The following PATJ variants were observed in gnomAD, a reference collection of about 807,000 sequenced individuals.
PATJ encodes the protein PATJ crumbs cell polarity complex component.
In PATJ, 190 loss-of-function variants were observed where a neutral mutation model predicts 224.9. The observed-to-expected ratio is 0.84, with a 90% CI of 0.75 to 0.95. The LOEUF is 0.95. PATJ is among the 40% of genes least tolerant of loss of function. PATJ has a pLI of 0.00. For synonymous variants in PATJ, 769 were observed against 820.3 expected, an observed-to-expected ratio of 0.94 and a Z score of 1.07; for missense variants, 2,121 against 2,270.3, an observed-to-expected ratio of 0.93 and a Z score of 1.34.
intron 27 of PATJ, among the ~76,000 whole-genome samples, chr1:61,930,831 C>T (rs1022352255): frequency 3.9e-5 from 6 of 152,086 alleles, no homozygotes; most frequent in African/African-American, 9.7e-5. Flanking sequence ...CCTCAGCCTC[C>T]GGAGTAGCAG....
intron 29 of PATJ, among the ~76,000 whole-genome samples, chr1:62,028,225 C>T (rs1648409950): frequency 6.6e-6 from 1 of 152,178 alleles, no homozygotes; most frequent in Non-Finnish European, 1.5e-5. Flanking sequence ...GAGGATCTCT[C>T]TATGTTGCTC....
At chr1:61,748,392 C>T (rs746667409) in intron 1 of PATJ, among the ~76,000 whole-genome samples, 24 of 150,022 alleles carry the variant, frequency 1.6e-4, no homozygotes, top group Non-Finnish European at 3.4e-4. Flanking sequence ...GTTGCTAGGA[C>T]TGCAGGCATG....
intron 31 of PATJ, chr1:62,072,301 G>C (rs905341094): frequency 6.6e-6 from 1 of 151,210 alleles, no homozygotes; most frequent in Non-Finnish European, 1.5e-5. Context: ...TTTTGTTTTT[G>C]TTTTTTTGTT....
intron 6 of PATJ, among the ~76,000 whole-genome samples, chr1:61,772,760 A>T (rs116169027): frequency 2.6e-5 from 4 of 152,106 alleles, no homozygotes; most frequent in Non-Finnish European, 5.9e-5. Context: ...ATTCAAGTCT[A>T]TTTCTCCCAT....
rs146550683 is a variant in PATJ, at chr1:61,917,333, T to C, written c.3570+2669T>C. 1.8e-3 allele frequency among the ~76,000 whole-genome samples: 277 copies of C among 152,348 alleles called. 1 individual carries two copies. The highest frequency in any genetic ancestry group is 6.3e-3 in the African/African-American group (260 of 41,586). On this transcript the variant is annotated intron_variant, in intron 26 of 43. Coordinates refer to ENST00000642238, the MANE Select transcript of PATJ (RefSeq NM_001350145.3). ...CACTGCCATAGTTTTCTGACAGTTA[T>C]AATTTTTGCAAAGGTGGCTTCAATC...
At chr1:61,918,532 A>G (rs887434506) in intron 26 of PATJ, among the ~76,000 whole-genome samples, 3 of 151,398 alleles carry the variant, frequency 2.0e-5, no homozygotes, top group Non-Finnish European at 4.4e-5. Context: ...GCTGGTCTTG[A>G]ACTCTTGAGC....
intron 22 of PATJ, among the ~76,000 whole-genome samples, chr1:61,890,680 A>G (rs1345341788): frequency 6.6e-6 from 1 of 151,936 alleles, no homozygotes; most frequent in Non-Finnish European, 1.5e-5. Flanking sequence ...TATTTTCTGT[A>G]GAGATAAGAT....
At chr1:62,152,335 G>A (rs1471318386) in intron 42 of PATJ, among the ~76,000 whole-genome samples, 2 of 152,140 alleles carry the variant, frequency 1.3e-5, no homozygotes, top group Non-Finnish European at 2.9e-5. Context: ...TGCCTTAGGT[G>A]GAAGTGGCCA....
In PATJ at chr1:62,163,531, A is replaced by G. The variant is rs1019422054; in HGVS notation, c.*2477A>G. 6 of 152,642 alleles carry G rather than the reference A, an allele frequency of 3.9e-5. No individual in the cohort carries two copies. The highest frequency in any genetic ancestry group is 1.4e-4 in the African/African-American group (6 of 41,460). 9.5% of individuals were successfully genotyped at this position (152,642 alleles called of 1,614,324 possible). ...ACATTGTTGTGGTGTTTCTTTATAC[A>G]TTATCCTTTTAGGTCGTGCTAGTAA... is the stretch of plus-strand genomic sequence containing the variant. On this transcript the variant is annotated 3_prime_UTR_variant, in exon 44 of 44. Coordinates refer to ENST00000642238, the MANE Select transcript of PATJ (RefSeq NM_001350145.3).
At chr1:61,958,428 G>A (rs1036294031) in intron 27 of PATJ, among the ~76,000 whole-genome samples, 2 of 152,128 alleles carry the variant, frequency 1.3e-5, no homozygotes, top group African/African-American at 2.4e-5. Flanking sequence ...CTTTAGTATA[G>A]AATATCATTA....
chr1:61,813,618 T>C (rs1655424772), intron 14 of PATJ, among the ~76,000 whole-genome samples: 1 of 151,904 alleles, frequency 6.6e-6, no homozygotes, highest in Non-Finnish European at 1.5e-5. Flanking sequence ...TCCTGTCCTA[T>C]AGAACTTATA....
intron 26 of PATJ, among the ~76,000 whole-genome samples, chr1:61,921,189 A>G (rs1674279786): frequency 6.6e-6 from 1 of 152,146 alleles, no homozygotes; most frequent in Admixed American, 6.5e-5. Context: ...AACCCATGGG[A>G]CAACTTTAAT....
At chr1:62,013,928 G>A (rs1371654680) in intron 28 of PATJ, among the ~76,000 whole-genome samples, 9 of 151,994 alleles carry the variant, frequency 5.9e-5, no homozygotes, top group South Asian at 4.1e-4. Flanking sequence ...CGCCTGACAC[G>A]ATGCCCAGCT....
intron 27 of PATJ, among the ~76,000 whole-genome samples, chr1:61,967,955 A>G (rs1239996693): frequency 1.3e-5 from 2 of 152,230 alleles, no homozygotes; most frequent in Admixed American, 6.5e-5. Context: ...GACAAAAATG[A>G]AAACAGACTG....
At chr1:61,936,432 C>CAAAAAAA (rs11455787) in intron 27 of PATJ, among the ~76,000 whole-genome samples, 4 of 92,712 alleles carry the variant, frequency 4.3e-5, no homozygotes, top group Admixed American at 1.3e-4. Context: ...CTTCCAAGAC[C>CAAAAAAA]AAAAAAAAAA....
At chr1:61,877,416 T>C (rs1380433376) in intron 21 of PATJ, among the ~76,000 whole-genome samples, 5 of 152,016 alleles carry the variant, frequency 3.3e-5, no homozygotes, top group Admixed American at 3.3e-4. Context: ...TAACTTCTGA[T>C]ATGGTTTGGC....
intron 16 of PATJ, among the ~76,000 whole-genome samples, chr1:61,829,533 A>G (rs149801976): frequency 8.1e-4 from 123 of 152,362 alleles, no homozygotes; most frequent in African/African-American, 2.8e-3. Flanking sequence ...GAATCATGCT[A>G]AATGTCAACC....
intron 27 of PATJ, among the ~76,000 whole-genome samples, chr1:61,941,923 A>G (rs1345662176): frequency 6.6e-6 from 1 of 152,224 alleles, no homozygotes; most frequent in Non-Finnish European, 1.5e-5. Context: ...TAGTAACAGT[A>G]AATCCAAATG....
intron 22 of PATJ, among the ~76,000 whole-genome samples, chr1:61,898,515 G>A (rs563360137): frequency 6.6e-6 from 1 of 152,104 alleles, no homozygotes; most frequent in East Asian, 1.9e-4. Context: ...TGGGATTACA[G>A]CCATGAGCCA....
Sources: allele counts gnomAD v4.1 joint callset (sites outside exome capture counted in the v4.1 genomes callset), GRCh38; gene constraint gnomAD v4.1.1; transcripts MANE v1.5; gene names NCBI Gene and HGNC (gene_info 2026-07-23, HGNC 2026-07-21).